SCHIP1: variants seen among roughly 807,000 people sequenced by gnomAD.
SCHIP1 encodes schwannomin-interacting protein 1.
In SCHIP1, 8 loss-of-function variants were observed where a neutral mutation model predicts 29.7. That is an observed-to-expected ratio of 0.27 (90% CI 0.16 to 0.49). The LOEUF is 0.49. Ranked by LOEUF, SCHIP1 falls within the 20% of genes least tolerant of loss-of-function variation. The pLI is 0.99. For missense variants in SCHIP1, 193 were observed against 294.6 expected, an observed-to-expected ratio of 0.66 and a Z score of 2.52; for synonymous variants, 76 against 94.9, an observed-to-expected ratio of 0.80 and a Z score of 1.16.
the SCHIP1 span, among the ~76,000 whole-genome samples, chr3:159,762,279 T>TGAA: frequency 6.6e-6 from 1 of 152,216 alleles, no homozygotes; most frequent in South Asian, 2.1e-4. Flanking sequence ...CCTTTTCCAG[T>TGAA]TATTCCTAAG....
intron 1 of SCHIP1, among the ~76,000 whole-genome samples, chr3:159,846,563 T>G (rs899622835): frequency 6.6e-6 from 1 of 152,196 alleles, no homozygotes; most frequent in Non-Finnish European, 1.5e-5. Context: ...TCCACCCAAT[T>G]TAAGCCTGGT....
chr3:159,327,031 TA>T, the SCHIP1 span, among the ~76,000 whole-genome samples: 1 of 152,196 alleles, frequency 6.6e-6, no homozygotes, highest in South Asian at 2.1e-4. Context: ...AGGATAGCCT[TA>T]AAAATGTGAT....
At chr3:159,586,512 G>T in the SCHIP1 span, among the ~76,000 whole-genome samples, 1 of 152,240 alleles carries the variant, frequency 6.6e-6, no homozygotes, top group African/African-American at 2.4e-5. Flanking sequence ...TCCTGCTTCT[G>T]TCTCATTGTA....
At chr3:159,419,011 T>C in the SCHIP1 span, among the ~76,000 whole-genome samples, 5 of 152,208 alleles carry the variant, frequency 3.3e-5, no homozygotes, top group Non-Finnish European at 7.3e-5. Flanking sequence ...AATGGTGATA[T>C]TTATTGTTTT....
chr3:159,634,389 A>G, the SCHIP1 span, among the ~76,000 whole-genome samples: 1 of 152,322 alleles, frequency 6.6e-6, no homozygotes, highest in Non-Finnish European at 1.5e-5. Context: ...TTATTTTTAA[A>G]CCAGTGTATC....
the SCHIP1 span, among the ~76,000 whole-genome samples, chr3:159,401,907 G>A: frequency 1.6e-4 from 25 of 152,190 alleles, no homozygotes; most frequent in Admixed American, 1.4e-3. Flanking sequence ...TATTGAATAG[G>A]CAATGGCAAC....
chr3:159,483,364 G>C, the SCHIP1 span, among the ~76,000 whole-genome samples: 1 of 152,178 alleles, frequency 6.6e-6, no homozygotes, highest in Non-Finnish European at 1.5e-5. Flanking sequence ...GGACAGGAAA[G>C]TATGTCTGTC....
At chr3:159,335,120 G>A in the SCHIP1 span, among the ~76,000 whole-genome samples, 18 of 151,878 alleles carry the variant, frequency 1.2e-4, no homozygotes, top group Admixed American at 2.0e-4. Context: ...GGCTGGTCTC[G>A]AACTCCTGAC....
chr3:159,668,054 G>C, the SCHIP1 span, among the ~76,000 whole-genome samples: 3 of 152,234 alleles, frequency 2.0e-5, no homozygotes, highest in Non-Finnish European at 2.9e-5. Flanking sequence ...GCCTCACCCT[G>C]TGTGACTGCA....
At chr3:159,396,883 G>T in the SCHIP1 span, among the ~76,000 whole-genome samples, 2 of 150,948 alleles carry the variant, frequency 1.3e-5, no homozygotes, top group Non-Finnish European at 3.0e-5. Context: ...GCTAGACTGG[G>T]GAAGTTCTCC....
chr3:159,299,290 T>G, the SCHIP1 span, among the ~76,000 whole-genome samples: 2 of 152,160 alleles, frequency 1.3e-5, no homozygotes, highest in Admixed American at 6.5e-5. Context: ...TCAAGTGCTC[T>G]TTATCTCTAA....
chr3:159,772,490 T>C, the SCHIP1 span, among the ~76,000 whole-genome samples: 1 of 152,192 alleles, frequency 6.6e-6, no homozygotes, highest in Non-Finnish European at 1.5e-5. Flanking sequence ...TATGGGTATG[T>C]CTCTTAACAG....
At chr3:159,795,171 A>G in the SCHIP1 span, among the ~76,000 whole-genome samples, 1 of 152,182 alleles carries the variant, frequency 6.6e-6, no homozygotes, top group South Asian at 2.1e-4. Flanking sequence ...TCTGCTAAAC[A>G]CGGTCTGCTA....
the SCHIP1 span, among the ~76,000 whole-genome samples, chr3:159,751,101 C>T: frequency 6.6e-6 from 1 of 152,134 alleles, no homozygotes; most frequent in Non-Finnish European, 1.5e-5. Context: ...CGAAGATTCA[C>T]CTACAGTTCC....
the SCHIP1 span, among the ~76,000 whole-genome samples, chr3:159,714,381 G>A: frequency 1.6e-4 from 24 of 152,144 alleles, no homozygotes; most frequent in Admixed American, 7.2e-4. Context: ...GGGGCTTGTC[G>A]GACAGTGGGT....
the SCHIP1 span, among the ~76,000 whole-genome samples, chr3:159,552,567 A>G: frequency 6.6e-6 from 1 of 152,238 alleles, no homozygotes; most frequent in Non-Finnish European, 1.5e-5. Context: ...ATTTGAATAG[A>G]AGAAATTTCT....
At chr3:159,875,335 G>C (rs1000366621) in intron 2 of SCHIP1, among the ~76,000 whole-genome samples, 12 of 152,170 alleles carry the variant, frequency 7.9e-5, no homozygotes, top group Non-Finnish European at 4.4e-5. Flanking sequence ...CATCTTGCTA[G>C]AGGCATAACC....
the SCHIP1 span, among the ~76,000 whole-genome samples, chr3:159,438,376 C>T: frequency 6.6e-6 from 1 of 152,074 alleles, no homozygotes; most frequent in African/African-American, 2.4e-5. Flanking sequence ...TCCCCTCAAT[C>T]CAGAGCAAGC....
chr3:159,614,921 G>C, the SCHIP1 span, among the ~76,000 whole-genome samples: 1 of 152,200 alleles, frequency 6.6e-6, no homozygotes, highest in Non-Finnish European at 1.5e-5. Flanking sequence ...CCTCAAGGAG[G>C]TCACAGGACA....
Sources: gnomAD v4.1 joint callset for allele counts (sites outside exome capture counted in the v4.1 genomes callset) on GRCh38, gnomAD v4.1.1 for gene constraint, MANE v1.5 for transcripts, NCBI Gene and HGNC (gene_info 2026-07-23, HGNC 2026-07-21) for gene names.